The following IQGAP2 variants were observed in gnomAD, a reference collection of about 807,000 sequenced individuals.
The protein encoded by IQGAP2 is IQ motif containing GTPase activating protein 2.
In IQGAP2, 173 loss-of-function variants were observed where a neutral mutation model predicts 201.3. That is an observed-to-expected ratio of 0.86 (90% CI 0.76 to 0.98). IQGAP2 has a LOEUF of 0.98. Among genes scored for constraint, IQGAP2 ranks in the 50% least tolerant of loss-of-function variants. The pLI, the probability that IQGAP2 is intolerant of heterozygous loss-of-function variation, is 0.00. For missense variants in IQGAP2, 1,687 were observed against 1,864.8 expected (o/e 0.90, Z 1.76); for synonymous variants, 675 against 673.9 (o/e 1.00, Z -0.03).
chr5:76,645,718 AC>A (rs1218166190), intron 17 of IQGAP2, among the ~76,000 whole-genome samples: 1 of 152,174 alleles, frequency 6.6e-6, no homozygotes, highest in African/African-American at 2.4e-5. Flanking sequence ...TTGTTTGGAA[AC>A]GTAAAAAAAC....
rs149759007 is a variant in IQGAP2, at chr5:76,652,928, C to T, written c.2178+95C>T. Reference sequence around the variant, plus strand: ...AAGACAGCTATAGAAAGGGAGGGTACATGTGAGCCTTGAAGTCAGAAGGCA... The same window carrying T: ...AAGACAGCTATAGAAAGGGAGGGTATATGTGAGCCTTGAAGTCAGAAGGCA... On this transcript the variant is annotated intron_variant, in intron 18 of 35. Coordinates refer to ENST00000274364, the MANE Select transcript of IQGAP2 (RefSeq NM_006633.5). 1.6e-4 allele frequency: 133 copies of T among 807,558 alleles called. 1 individual carries two copies. The African/African-American group carries it at 2.0e-3, about 12-fold the overall frequency. The allele number at this position is 807,558 out of a possible 1,614,324, so 50.0% of individuals were successfully genotyped here. A position where few individuals can be genotyped will look rare whatever the true frequency, so the allele number is the denominator to read the frequency against.
chr5:76,598,461 CA>C (rs796144866), intron 10 of IQGAP2, among the ~76,000 whole-genome samples: 1 of 150,126 alleles, frequency 6.7e-6, no homozygotes, highest in African/African-American at 2.4e-5. Flanking sequence ...AAATGACAAA[CA>C]AAAAAAAAGT....
At chr5:76,680,805 A>C (rs2150508069) in intron 28 of IQGAP2, among the ~76,000 whole-genome samples, 1 of 150,898 alleles carries the variant, frequency 6.6e-6, no homozygotes, top group African/African-American at 2.4e-5. Context: ...AAAAAAAAAA[A>C]AAAAAAAAAA....
intron 2 of IQGAP2, among the ~76,000 whole-genome samples, chr5:76,514,708 A>G (rs1418801296): frequency 6.6e-6 from 1 of 152,108 alleles, no homozygotes; most frequent in Admixed American, 6.5e-5. Context: ...GCTTGTTGAC[A>G]TTTGTTCAGA....
chr5:76,676,189 T>C (rs1323360301), intron 27 of IQGAP2, among the ~76,000 whole-genome samples: 1 of 152,236 alleles, frequency 6.6e-6, no homozygotes, highest in Non-Finnish European at 1.5e-5. Context: ...CAGTCATTTA[T>C]GTTCCCACCT....
chr5:76,554,304 G>A (rs1743761643), intron 2 of IQGAP2, among the ~76,000 whole-genome samples: 1 of 152,024 alleles, frequency 6.6e-6, no homozygotes, highest in African/African-American at 2.4e-5. Flanking sequence ...AACAAAAGAA[G>A]AAATAGATAA....
intron 2 of IQGAP2, among the ~76,000 whole-genome samples, chr5:76,477,564 C>G (rs1441966844): frequency 6.6e-6 from 1 of 152,160 alleles, no homozygotes; most frequent in Admixed American, 6.5e-5. Context: ...CAAATGTGTA[C>G]AGTACATAAT....
At chr5:76,445,746 G>A (rs193226764) in intron 1 of IQGAP2, among the ~76,000 whole-genome samples, 8 of 152,158 alleles carry the variant, frequency 5.3e-5, no homozygotes, top group Non-Finnish European at 1.0e-4. Context: ...TTACAGATGT[G>A]AGCCGCCATG....
At chr5:76,529,585 G>A (rs774828366) in intron 2 of IQGAP2, among the ~76,000 whole-genome samples, 7 of 150,944 alleles carry the variant, frequency 4.6e-5, no homozygotes, top group African/African-American at 4.9e-5. Context: ...CCGAGATCGC[G>A]CCACTGCACT....
intron 13 of IQGAP2, among the ~76,000 whole-genome samples, chr5:76,622,827 C>T (rs1442313359): frequency 6.6e-6 from 1 of 151,960 alleles, no homozygotes; most frequent in Admixed American, 6.5e-5. Flanking sequence ...TATTTTAATC[C>T]CTAGAAAAAG....
intron 2 of IQGAP2, among the ~76,000 whole-genome samples, chr5:76,472,017 C>A (rs28662810): frequency 6.6e-6 from 1 of 152,188 alleles, no homozygotes; most frequent in South Asian, 2.1e-4. Flanking sequence ...CTGCTTTCCA[C>A]GGGGAGCAAG....
At chr5:76,480,691 G>T (rs755211308) in intron 2 of IQGAP2, among the ~76,000 whole-genome samples, 5 of 152,180 alleles carry the variant, frequency 3.3e-5, no homozygotes, top group Non-Finnish European at 5.9e-5. Context: ...GTCTGCTACA[G>T]TTCCTAGGGG....
intron 2 of IQGAP2, among the ~76,000 whole-genome samples, chr5:76,533,053 C>A (rs1038603493): frequency 1.3e-5 from 2 of 152,232 alleles, no homozygotes; most frequent in South Asian, 4.1e-4. Context: ...GAATGGGGAT[C>A]TCAGTGCAGC....
chr5:76,467,078 C>G (rs934371348), intron 2 of IQGAP2, among the ~76,000 whole-genome samples: 1 of 152,060 alleles, frequency 6.6e-6, no homozygotes, highest in South Asian at 2.1e-4. Context: ...TGGTGAAACC[C>G]CATCGCTACA....
intron 11 of IQGAP2, among the ~76,000 whole-genome samples, chr5:76,604,894 C>T (rs1254514776): frequency 6.6e-6 from 1 of 152,116 alleles, no homozygotes; most frequent in Non-Finnish European, 1.5e-5. Flanking sequence ...CGCATGTCAC[C>T]TTGAAGCATG....
At chr5:76,548,385 G>A (rs1743223644) in intron 2 of IQGAP2, among the ~76,000 whole-genome samples, 1 of 152,174 alleles carries the variant, frequency 6.6e-6, no homozygotes, top group Non-Finnish European at 1.5e-5. Context: ...GGCACACCTG[G>A]CTTTGGGAAA....
At chr5:76,637,385 T>C (rs1030458053) in intron 16 of IQGAP2, among the ~76,000 whole-genome samples, 2 of 152,222 alleles carry the variant, frequency 1.3e-5, no homozygotes, top group Non-Finnish European at 2.9e-5. Flanking sequence ...CAAAACCAAA[T>C]AGAGCAGGGG....
At chr5:76,624,793 G>A (rs1750066716) in intron 13 of IQGAP2, among the ~76,000 whole-genome samples, 1 of 152,154 alleles carries the variant, frequency 6.6e-6, no homozygotes, top group Non-Finnish European at 1.5e-5. Context: ...AGCAGACTTG[G>A]CTGGGCACAG....
intron 1 of IQGAP2, among the ~76,000 whole-genome samples, chr5:76,427,433 T>C (rs1339626273): frequency 6.6e-6 from 1 of 152,184 alleles, no homozygotes; most frequent in East Asian, 1.9e-4. Context: ...TAAAGTGAGC[T>C]GAGCTCTCCC....
Sources: allele counts gnomAD v4.1 joint callset (sites outside exome capture counted in the v4.1 genomes callset), GRCh38; gene constraint gnomAD v4.1.1; transcripts MANE v1.5; gene names NCBI Gene and HGNC (gene_info 2026-07-23, HGNC 2026-07-21).